Variants in AGBL4 observed in about 807,000 individuals in gnomAD.
The protein encoded by AGBL4 is cytosolic carboxypeptidase 6.
A neutral mutation model predicts 66.4 loss-of-function variants in AGBL4; 58 were observed. The observed-to-expected ratio is 0.87, with a 90% confidence interval of 0.71 to 1.09. The LOEUF is 1.09. Among genes scored for constraint, AGBL4 ranks in the 50% least tolerant of loss-of-function variants. The pLI, the probability that AGBL4 is intolerant of heterozygous loss-of-function variation, is 0.00. For synonymous variants in AGBL4, 234 were observed against 222.9 expected, an observed-to-expected ratio of 1.05 and a Z score of -0.44; for missense variants, 579 against 631.0, an observed-to-expected ratio of 0.92 and a Z score of 0.88.
chr1:48,534,191 G>T lies in AGBL4; in HGVS notation c.1494C>A (p.Asp498Glu). The change falls in exon 14 of 14, where the codon GAC (aspartate) becomes GAA (glutamate). Residue 498 changes from aspartate (D) to glutamate (E), a missense_variant. Asp to Glu is a conservative substitution (Grantham distance 45). Coordinates refer to ENST00000371839, the MANE Select transcript of AGBL4 (RefSeq NM_032785.4). Reference protein sequence around the residue: ...GDKKSSVNHKDPSTPF With the variant: ...GDKKSSVNHKEPSTPF ...CGTGTCTTTAAAAAGGGGTTGAAGGGTCTTTGTGGTTCACTGAGCTCTTCT... is the reference window on the plus strand; with the variant it reads ...CGTGTCTTTAAAAAGGGGTTGAAGGTTCTTTGTGGTTCACTGAGCTCTTCT... 6.4e-7 allele frequency: 1 copy of T among 1,551,544 alleles called. No homozygotes were observed. The highest frequency in any genetic ancestry group is 1.2e-5 in the South Asian group (1 of 84,062).
At chr1:49,222,935 G>T (rs1649615186) in intron 4 of AGBL4, among the ~76,000 whole-genome samples, 1 of 152,060 alleles carries the variant, frequency 6.6e-6, no homozygotes, top group African/African-American at 2.4e-5. Flanking sequence ...AAACAAGTGT[G>T]GCTGAGCTCC....
At position 49,015,256 on chromosome 1, in the gene AGBL4, T is replaced by C. The variant is rs1027028913; in HGVS notation, c.594+30328A>G. Among the ~76,000 whole-genome samples the C allele has an allele frequency of 5.8e-4, 88 of 152,088 alleles. 1 individual carries two copies. Among genetic ancestry groups the C allele is most frequent in the African/African-American group, 2.1e-3 (86 of 41,418 alleles). ...AAGAAAGAATCATGCCATACTTCTTTTCCCCTCATCTTTCCGCTATCTAAA... is the reference window on the plus strand; with the variant it reads ...AAGAAAGAATCATGCCATACTTCTTCTCCCCTCATCTTTCCGCTATCTAAA... On this transcript the variant is annotated intron_variant, in intron 5 of 13. Coordinates refer to ENST00000371839, the MANE Select transcript of AGBL4 (RefSeq NM_032785.4).
intron 3 of AGBL4, among the ~76,000 whole-genome samples, chr1:49,600,439 A>AT (rs56044469): frequency 7.2e-5 from 11 of 151,790 alleles, no homozygotes; most frequent in African/African-American, 2.7e-4. Context: ...CAACTCCTGC[A>AT]TTTTTTTGCT....
At chr1:49,941,750 A>G (rs1261125071) in intron 1 of AGBL4, among the ~76,000 whole-genome samples, 1 of 152,110 alleles carries the variant, frequency 6.6e-6, no homozygotes, top group Non-Finnish European at 1.5e-5. Flanking sequence ...ATTAAAGACC[A>G]TATATGGCAA....
chr1:49,949,409 G>A (rs1322128490), intron 1 of AGBL4, among the ~76,000 whole-genome samples: 1 of 151,750 alleles, frequency 6.6e-6, no homozygotes, highest in Non-Finnish European at 1.5e-5. Flanking sequence ...GGAACAGTCA[G>A]CAGAGTAAAC....
intron 2 of AGBL4, among the ~76,000 whole-genome samples, chr1:49,753,345 T>C (rs1651627169): frequency 6.6e-6 from 1 of 152,228 alleles, no homozygotes; most frequent in African/African-American, 2.4e-5. Flanking sequence ...ATTGGCTAAA[T>C]GTGAAATTCT....
intron 8 of AGBL4, among the ~76,000 whole-genome samples, chr1:48,646,728 C>T (rs1369676380): frequency 6.6e-6 from 1 of 152,074 alleles, no homozygotes; most frequent in African/African-American, 2.4e-5. Flanking sequence ...CTTCAGGAGA[C>T]AGTGTATCAA....
chr1:49,383,769 G>GA (rs563334660), intron 3 of AGBL4, among the ~76,000 whole-genome samples: 171 of 151,086 alleles, frequency 1.1e-3, no homozygotes, highest in African/African-American at 4.1e-3. Context: ...AAGCAAAAAA[G>GA]AAAAAATAAA....
At chr1:49,234,238 G>GC (rs1386744536) in intron 4 of AGBL4, among the ~76,000 whole-genome samples, 1 of 152,096 alleles carries the variant, frequency 6.6e-6, no homozygotes, top group East Asian at 1.9e-4. Context: ...TTTGTCATAT[G>GC]CCCCCAAGGA....
At chr1:48,812,321 T>C (rs72681081) in intron 6 of AGBL4, among the ~76,000 whole-genome samples, 10,609 of 152,182 alleles carry the variant, frequency 0.07, 508 homozygotes, top group East Asian at 0.17. Flanking sequence ...TGAATAGTCA[T>C]TTTGGGGCTA....
At chr1:49,310,279 A>T (rs930944967) in intron 3 of AGBL4, among the ~76,000 whole-genome samples, 1 of 152,132 alleles carries the variant, frequency 6.6e-6, no homozygotes. Flanking sequence ...AGTTTTGAAC[A>T]GACAAATGAT....
intron 1 of AGBL4, among the ~76,000 whole-genome samples, chr1:49,959,858 G>A (rs951297619): frequency 6.6e-6 from 1 of 152,050 alleles, no homozygotes; most frequent in South Asian, 2.1e-4. Context: ...GCTATAAAAA[G>A]AATGAGATCA....
chr1:49,343,720 T>A (rs1645585802), intron 3 of AGBL4, among the ~76,000 whole-genome samples: 1 of 152,200 alleles, frequency 6.6e-6, no homozygotes, highest in African/African-American at 2.4e-5. Context: ...CTGGACCAAA[T>A]CTACTTCTGT....
At chr1:48,637,693 C>T (rs1232697187) in intron 8 of AGBL4, among the ~76,000 whole-genome samples, 1 of 152,236 alleles carries the variant, frequency 6.6e-6, no homozygotes, top group African/African-American at 2.4e-5. Context: ...CGGTTAATTG[C>T]TCTGGTTTTC....
intron 4 of AGBL4, among the ~76,000 whole-genome samples, chr1:49,154,227 G>C (rs1646388974): frequency 6.6e-6 from 1 of 152,070 alleles, no homozygotes; most frequent in Non-Finnish European, 1.5e-5. Flanking sequence ...TCAGAGGCCA[G>C]TGATTCAAAA....
chr1:48,918,859 T>A (rs1441439446), intron 5 of AGBL4, among the ~76,000 whole-genome samples: 1 of 152,194 alleles, frequency 6.6e-6, no homozygotes, highest in Non-Finnish European at 1.5e-5. Flanking sequence ...TTGAGGTACC[T>A]CTCTGCATCT....
intron 3 of AGBL4, among the ~76,000 whole-genome samples, chr1:49,592,743 T>C (rs559673496): frequency 1.1e-4 from 16 of 152,294 alleles, no homozygotes; most frequent in Middle Eastern, 3.4e-3. Context: ...AAATAACAGA[T>C]GCTGGTGAGG....
At chr1:49,350,439 G>A (rs946747867) in intron 3 of AGBL4, among the ~76,000 whole-genome samples, 3 of 151,956 alleles carry the variant, frequency 2.0e-5, no homozygotes, top group East Asian at 1.9e-4. Flanking sequence ...TCCTGACCTC[G>A]TGATCCGCCC....
intron 5 of AGBL4, among the ~76,000 whole-genome samples, chr1:48,892,392 C>A (rs1651054553): frequency 6.6e-6 from 1 of 151,856 alleles, no homozygotes; most frequent in African/African-American, 2.4e-5. Flanking sequence ...TTTATTTTGC[C>A]AAGGTTGAGG....
Sources: allele counts gnomAD v4.1 joint callset (sites outside exome capture counted in the v4.1 genomes callset), GRCh38; gene constraint gnomAD v4.1.1; transcripts MANE v1.5; gene names NCBI Gene and HGNC (gene_info 2026-07-23, HGNC 2026-07-21).